The following CRHR2 variants were observed in gnomAD, a reference collection of about 807,000 sequenced individuals.
CRHR2 encodes corticotropin-releasing hormone receptor 2.
In CRHR2, 53 loss-of-function variants were observed where a neutral mutation model predicts 57.9. That is an observed-to-expected ratio of 0.92 (90% confidence interval 0.73 to 1.15). CRHR2 has a LOEUF of 1.15. Among genes scored for constraint, CRHR2 ranks in the 50% most tolerant of loss-of-function variants. The pLI is 0.00. For synonymous variants in CRHR2, 213 were observed against 220.9 expected (o/e 0.96, Z 0.32); for missense variants, 532 against 542.6 (o/e 0.98, Z 0.19).
At chr7:30,675,538 C>T (rs765841366) in intron 2 of CRHR2, among the ~76,000 whole-genome samples, 8 of 152,224 alleles carry the variant, frequency 5.3e-5, no homozygotes, top group Non-Finnish European at 1.2e-4. Flanking sequence ...AATCGAGGCC[C>T]ATGCCCTGGT....
At chr7:30,662,028 A>G (rs1486887297) in intron 7 of CRHR2, 128 bp downstream of exon 7, 2 of 930,902 alleles carry the variant, frequency 2.1e-6, no homozygotes, top group Middle Eastern at 3.5e-4. Context: ...TAAGGACAAC[A>G]GGAACGTGGA....
At position 30,651,943 on chromosome 7, in the gene CRHR2, G is replaced by C. The variant is rs941105013; in HGVS notation, c.*1517C>G. 6.6e-6 allele frequency: 1 copy of C among 151,902 alleles called. No individual in the cohort carries two copies. The highest frequency in any genetic ancestry group is 1.5e-5 in the Non-Finnish European group (1 of 67,964). 9.4% of individuals were successfully genotyped at this position (151,902 alleles called of 1,614,324 possible). ...CCATGGTGATCAGAATTCATTTGATGTATTTTAAATTGTTGCAGCAGTTTT... is the reference window on the plus strand; with the variant it reads ...CCATGGTGATCAGAATTCATTTGATCTATTTTAAATTGTTGCAGCAGTTTT... On this transcript the variant is annotated 3_prime_UTR_variant, in exon 12 of 12. Transcript: ENST00000471646.
Position 30,682,255 on chromosome 7 carries a change from A to T in CRHR2, c.26T>A (p.Leu9Gln), listed in dbSNP as rs201568035. Reference protein sequence around the residue: MDAALLHSLLEANCSLALA... With the variant: MDAALLHSQLEANCSLALA... Reference sequence around the variant, plus strand: ...CGCCAGGCTGCAGTTGGCCTCCAGCAGGCTGTGGAGCAGTGCCGCGTCCAT... The same window carrying T: ...CGCCAGGCTGCAGTTGGCCTCCAGCTGGCTGTGGAGCAGTGCCGCGTCCAT... The change falls in exon 1 of 12, where the codon CTG becomes CAG. Residue 9 changes from leucine to glutamine, a missense_variant. Leu to Gln is a moderately radical substitution (Grantham distance 113). Coordinates refer to ENST00000471646, the MANE Select transcript of CRHR2 (RefSeq NM_001883.5). 5.7e-5 allele frequency: 91 copies of T among 1,586,710 alleles called. No homozygotes were observed. In the African/African-American group the frequency reaches 1.2e-3, roughly 21 times the overall value.
rs748916318 is a variant in CRHR2, at chr7:30,682,232, C to T, written c.49G>A (p.Ala17Thr). 5 of 1,590,270 alleles carry T rather than the reference C, an allele frequency of 3.1e-6. No homozygotes were observed. Among genetic ancestry groups the T allele is most frequent in the Middle Eastern group, 1.7e-4 (1 of 5,764 alleles). ...TCCAAGAGCAGCTCTTCAGCCAGCG[C>T]CAGGCTGCAGTTGGCCTCCAGCAGG... ...HSLLEANCSL[A>T]LAEELLLDGW... The change falls in exon 1 of 12, where the codon GCG becomes ACG. Residue 17 changes from alanine (A) to threonine (T), a missense_variant. Physicochemically the swap from Ala to Thr is moderately conservative, Grantham distance 58. Coordinates refer to ENST00000471646, the MANE Select transcript of CRHR2 (RefSeq NM_001883.5).
chr7:30,699,142 G>A (rs1434937862), intron 1 of CRHR2, among the ~76,000 whole-genome samples: 4 of 152,146 alleles, frequency 2.6e-5, no homozygotes, highest in Admixed American at 1.3e-4. Context: ...ACCACTCTGA[G>A]CCTCAGTTTC....
At chr7:30,658,232 G>A (rs553023274) in intron 8 of CRHR2, among the ~76,000 whole-genome samples, 15 of 152,246 alleles carry the variant, frequency 9.9e-5, no homozygotes, top group African/African-American at 3.6e-4. Flanking sequence ...CTACCTCCCT[G>A]CTAAAAACAC....
At chr7:30,696,853 A>G (rs1442117018) in intron 1 of CRHR2, among the ~76,000 whole-genome samples, 1 of 152,238 alleles carries the variant, frequency 6.6e-6, no homozygotes, top group East Asian at 1.9e-4. Context: ...AGCTAAGAAG[A>G]TAAAGAGTAG....
Position 30,667,125 on chromosome 7 carries a change from G to A in CRHR2, c.315+103C>T, listed in dbSNP as rs111961615. The A allele has an allele frequency of 1.6e-5, 16 of 983,474 alleles. No individual in the cohort carries two copies. In the African/African-American group the frequency reaches 1.9e-4, roughly 12 times the overall value. 60.9% of individuals were successfully genotyped at this position (983,474 alleles called of 1,614,324 possible). A position where few individuals can be genotyped will look rare whatever the true frequency, so the allele number is the denominator to read the frequency against. On this transcript the variant is annotated intron_variant, in intron 3 of 11. Coordinates refer to ENST00000471646, the MANE Select transcript of CRHR2 (RefSeq NM_001883.5). The stretch of plus-strand genomic sequence containing the variant: ...CAGGAGGTACAGAAGGGAGTGACTG[G>A]GTGACAAAAGGACTGGTCTGCCCCC...
chr7:30,681,902 CG>C lies in CRHR2; in HGVS notation c.229+12del. 1 of 1,606,058 alleles carries C rather than the reference CG, an allele frequency of 6.2e-7. No homozygotes were observed. ...CCGGTGTAGAGCAGGCAGCGAGGGC[CG>C]GGGGCACTCACGGGTCGTGTTGTAC... On this transcript the variant is annotated intron_variant, in intron 2 of 11. Coordinates refer to ENST00000471646, the MANE Select transcript of CRHR2 (RefSeq NM_001883.5).
chr7:30,687,289 C>T (rs909827115), upstream of CRHR2, among the ~76,000 whole-genome samples: 5 of 152,076 alleles, frequency 3.3e-5, no homozygotes, highest in African/African-American at 1.2e-4. Flanking sequence ...GGTCATGGTT[C>T]ATGTGGGGTG....
At chr7:30,686,475 G>A (rs1784860093), upstream of CRHR2, 7 of 1,522,582 alleles carry the variant, frequency 4.6e-6, no homozygotes, top group Non-Finnish European at 5.3e-6. Context: ...ATATGTGTGT[G>A]TGTTGCATTG....
chr7:30,687,672 G>A (rs1784882881), intron 2 of CRHR2, among the ~76,000 whole-genome samples: 2 of 152,210 alleles, frequency 1.3e-5, no homozygotes, highest in African/African-American at 4.8e-5. Flanking sequence ...AAGGCTGTAT[G>A]TTTGGAGAAG....
intron 1 of CRHR2, among the ~76,000 whole-genome samples, chr7:30,692,929 G>T (rs1282626835): frequency 6.6e-6 from 1 of 152,184 alleles, no homozygotes; most frequent in East Asian, 1.9e-4. Flanking sequence ...GTTCCCATGG[G>T]AAGAGCTGAT....
intron 7 of CRHR2, 90 bp downstream of exon 7, chr7:30,662,066 C>G: frequency 7.2e-7 from 1 of 1,392,106 alleles, no homozygotes; most frequent in Admixed American, 1.8e-5. Flanking sequence ...ACAATTCCTG[C>G]TCCACGGCTT....
Position 30,653,401 on chromosome 7 carries a change from A to G in CRHR2, c.*59T>C, listed in dbSNP as rs1783656533. 1.9e-6 allele frequency: 3 copies of G among 1,588,260 alleles called. No individual in the cohort carries two copies. In the African/African-American group the frequency reaches 4.0e-5, roughly 21 times the overall value. On this transcript the variant is annotated 3_prime_UTR_variant, in exon 12 of 12. Coordinates refer to ENST00000471646, the MANE Select transcript of CRHR2 (RefSeq NM_001883.5). The surrounding 1 kb of genome is among the most constrained non-coding windows in gnomAD (Gnocchi z 5.0). Reference sequence around the variant, plus strand: ...CCACGAGAGCCTGCCCAGCACAGAGAACCCAGAGGAAGAAGGTGGAGGAGG... The same window carrying G: ...CCACGAGAGCCTGCCCAGCACAGAGGACCCAGAGGAAGAAGGTGGAGGAGG...
At chr7:30,659,078 TC>T (rs1324349953) in intron 8 of CRHR2, among the ~76,000 whole-genome samples, 1 of 152,172 alleles carries the variant, frequency 6.6e-6, no homozygotes, top group Non-Finnish European at 1.5e-5. Context: ...TAACCCTACT[TC>T]TTTTAGGACT....
In CRHR2 at chr7:30,655,716, C is replaced by A. The variant is rs1249113179; in HGVS notation, c.918-1G>T. The A allele has an allele frequency of 8.1e-6, 13 of 1,613,022 alleles. No homozygotes were observed. The highest frequency in any genetic ancestry group is 1.1e-5 in the Non-Finnish European group (13 of 1,179,370). On this transcript the variant is annotated splice_acceptor_variant, in intron 9 of 11. Transcript: ENST00000471646. LOFTEE classifies it high-confidence loss of function. ...CACCAGGGTGGCCTTCACTGCCTTCCTGGGGGCGAGAGGTGGACACAGGTC... is the reference window on the plus strand; with the variant it reads ...CACCAGGGTGGCCTTCACTGCCTTCATGGGGGCGAGAGGTGGACACAGGTC...
chr7:30,675,599 C>T (rs1287103482), intron 2 of CRHR2, among the ~76,000 whole-genome samples: 1 of 152,198 alleles, frequency 6.6e-6, no homozygotes, highest in African/African-American at 2.4e-5. Context: ...CCCTCCTCTT[C>T]CACTTCCGCT....
rs1289545841 is a variant in CRHR2 at position 30,656,276 on chromosome 7, C to T, written c.832-264G>A. Among the ~76,000 whole-genome samples, 16 of 152,080 alleles carry T rather than the reference C, an allele frequency of 1.1e-4. No individual in the cohort carries two copies. The highest frequency in any genetic ancestry group is 6.2e-4 in the South Asian group (3 of 4,828). On this transcript the variant is annotated intron_variant, in intron 8 of 11. Transcript: ENST00000471646. This position sits in a 1 kb window ranked among gnomAD's most constrained non-coding sequence, Gnocchi z 4.4. ...GGTGGCAGCCTCTGTGGGTCGTGAC[C>T]GAGAGCACGGGGCATGCCCTCTGAG...
Sources: gnomAD v4.1 joint callset for allele counts (sites outside exome capture counted in the v4.1 genomes callset) on GRCh38, gnomAD v4.1.1 for gene constraint, Gnocchi (gnomAD v3.1) non-coding constraint, MANE v1.5 for transcripts, NCBI Gene and HGNC (gene_info 2026-07-23, HGNC 2026-07-21) for gene names.